Variants in EXOC4 observed in about 807,000 individuals in gnomAD.
The protein encoded by EXOC4 is SEC8-like 1.
EXOC4 carries 71 observed loss-of-function variants against 107.2 expected under a neutral mutation model. The observed-to-expected ratio is 0.66, with a 90% CI of 0.55 to 0.81. EXOC4 has a LOEUF of 0.81. EXOC4 is among the 30% of genes least tolerant of loss of function. The pLI, the probability that EXOC4 is intolerant of heterozygous loss-of-function variation, is 0.00. For synonymous variants in EXOC4, 456 were observed against 441.2 expected, an observed-to-expected ratio of 1.03 and a Z score of -0.42; for missense variants, 1,108 against 1,189.6, an observed-to-expected ratio of 0.93 and a Z score of 1.01.
chr7:133,768,177 A>G (rs1036073549), intron 10 of EXOC4: 2 of 152,046 alleles, frequency 1.3e-5, no homozygotes, highest in Non-Finnish European at 2.9e-5. Flanking sequence ...CATATTGCTT[A>G]TCACATTTAT....
intron 13 of EXOC4, among the ~76,000 whole-genome samples, chr7:133,926,042 C>CAAAAAAAAAA: frequency 9.6e-6 from 1 of 104,708 alleles, no homozygotes; most frequent in Non-Finnish European, 1.9e-5. Context: ...GACTCCGTCT[C>CAAAAAAAAAA]AAAAAAAAAA....
At chr7:133,853,566 G>GAC (rs1173996206) in intron 11 of EXOC4, among the ~76,000 whole-genome samples, 2 of 152,048 alleles carry the variant, frequency 1.3e-5, no homozygotes, top group Non-Finnish European at 2.9e-5. Context: ...ATCAGTTTTT[G>GAC]ACTATCGCCA....
chr7:133,941,040 G>T (rs923840505), intron 14 of EXOC4, among the ~76,000 whole-genome samples: 4 of 149,690 alleles, frequency 2.7e-5, no homozygotes, highest in Non-Finnish European at 5.9e-5. Flanking sequence ...TTTTTTTTGA[G>T]ATGGATTCAT....
At chr7:133,710,573 T>A (rs1269536317) in intron 10 of EXOC4, among the ~76,000 whole-genome samples, 1 of 144,866 alleles carries the variant, frequency 6.9e-6, no homozygotes, top group South Asian at 2.2e-4. Context: ...GGCAGGAGAA[T>A]GGCGTGAACC....
intron 5 of EXOC4, among the ~76,000 whole-genome samples, chr7:133,320,525 C>G (rs747715747): frequency 6.6e-6 from 1 of 152,098 alleles, no homozygotes. Flanking sequence ...CTGGATAATT[C>G]TGGCTAATCT....
chr7:133,747,939 A>T (rs2151135178), intron 10 of EXOC4, among the ~76,000 whole-genome samples: 1 of 152,250 alleles, frequency 6.6e-6, no homozygotes, highest in East Asian at 1.9e-4. Flanking sequence ...CTACATCCTG[A>T]TCGAAGATTT....
At chr7:134,034,683 A>C (rs1795348777) in intron 17 of EXOC4, among the ~76,000 whole-genome samples, 1 of 152,208 alleles carries the variant, frequency 6.6e-6, no homozygotes, top group Non-Finnish European at 1.5e-5. Context: ...TTGAACTGTG[A>C]GTCAGTGAAA....
intron 10 of EXOC4, among the ~76,000 whole-genome samples, chr7:133,635,811 C>A (rs145908049): frequency 6.6e-6 from 1 of 152,192 alleles, no homozygotes; most frequent in Non-Finnish European, 1.5e-5. Context: ...TCCCTGTGCA[C>A]TGGGACAGAG....
chr7:133,548,281 A>C (rs949298563), intron 9 of EXOC4, among the ~76,000 whole-genome samples: 3 of 152,090 alleles, frequency 2.0e-5, no homozygotes, highest in South Asian at 2.1e-4. Flanking sequence ...TTTCGGCTCC[A>C]CTTCTATTTA....
intron 17 of EXOC4, among the ~76,000 whole-genome samples, chr7:134,018,336 G>A (rs1271452891): frequency 2.0e-5 from 3 of 152,162 alleles, no homozygotes; most frequent in Admixed American, 1.3e-4. Context: ...AATCGCTGTC[G>A]TAAAAGCAGA....
intron 14 of EXOC4, among the ~76,000 whole-genome samples, chr7:133,963,924 C>A (rs1801003824): frequency 6.6e-6 from 1 of 152,090 alleles, no homozygotes; most frequent in Non-Finnish European, 1.5e-5. Flanking sequence ...CTAGGAAATA[C>A]AGACAATTAT....
At chr7:133,946,016 A>G (rs1055182306) in intron 14 of EXOC4, among the ~76,000 whole-genome samples, 5 of 152,224 alleles carry the variant, frequency 3.3e-5, no homozygotes, top group African/African-American at 1.2e-4. Context: ...CTTTTTAATT[A>G]GAACTCTATG....
intron 11 of EXOC4, among the ~76,000 whole-genome samples, chr7:133,844,378 CTTTTTTTTTTTTT>C (rs761535651): frequency 4.4e-4 from 37 of 83,392 alleles, no homozygotes; most frequent in Middle Eastern, 7.5e-3. Flanking sequence ...CCACATATTC[CTTTTTTTTTTTTT>C]TTTTTTTTTT....
intron 9 of EXOC4, among the ~76,000 whole-genome samples, chr7:133,568,500 A>G (rs1053116664): frequency 1.3e-5 from 2 of 152,118 alleles, no homozygotes; most frequent in Admixed American, 6.5e-5. Context: ...TTACATTTAA[A>G]TTTTCAATTT....
intron 5 of EXOC4, among the ~76,000 whole-genome samples, chr7:133,331,762 C>A (rs965958238): frequency 1.3e-5 from 2 of 152,150 alleles, no homozygotes; most frequent in African/African-American, 4.8e-5. Flanking sequence ...TTTACAGATA[C>A]GGAAGCTGAA....
chr7:134,088,522 T>C, the EXOC4 span, among the ~76,000 whole-genome samples: 1 of 152,170 alleles, frequency 6.6e-6, no homozygotes, highest in Non-Finnish European at 1.5e-5. Flanking sequence ...AAAAGATCAC[T>C]TTAGACTTCT....
chr7:133,644,789 C>T (rs1028732649), intron 10 of EXOC4, among the ~76,000 whole-genome samples: 1 of 152,160 alleles, frequency 6.6e-6, no homozygotes, highest in African/African-American at 2.4e-5. Flanking sequence ...AGGCCACCTC[C>T]ATTTGGTGGC....
intron 7 of EXOC4, among the ~76,000 whole-genome samples, chr7:133,436,048 G>GTTTTTTTT (rs5887624): frequency 7.0e-6 from 1 of 142,762 alleles, no homozygotes. Context: ...TTATCTCAGT[G>GTTTTTTTT]TTTTTTTTTT....
At chr7:134,083,767 C>G in the EXOC4 span, among the ~76,000 whole-genome samples, 1 of 152,298 alleles carries the variant, frequency 6.6e-6, no homozygotes, top group African/African-American at 2.4e-5. Context: ...TGACCATGCT[C>G]TAAAGGTCAA....
Sources: allele counts gnomAD v4.1 joint callset (sites outside exome capture counted in the v4.1 genomes callset), GRCh38; gene constraint gnomAD v4.1.1; transcripts MANE v1.5; gene names NCBI Gene and HGNC (gene_info 2026-07-23, HGNC 2026-07-21).